Variants in COPG2 observed in about 807,000 individuals in gnomAD.
COPG2 encodes coat protein complex I subunit gamma 2, also known as coatomer subunit gamma-2.
COPG2 carries 37 observed loss-of-function variants against 46.3 expected under a neutral mutation model. That is an observed-to-expected ratio of 0.80 (90% confidence interval 0.61 to 1.05). The LOEUF is 1.05. Ranked by LOEUF, COPG2 falls within the 50% of genes least tolerant of loss-of-function variation. The pLI is 0.00. For synonymous variants in COPG2, 159 were observed against 129.7 expected (o/e 1.23, Z -1.53); for missense variants, 427 against 387.8 (o/e 1.10, Z -0.85).
At chr7:130,571,978 GAAGTAACTCAGGA>G (rs1286467764) in intron 9 of COPG2, among the ~76,000 whole-genome samples, 25 of 152,042 alleles carry the variant, frequency 1.6e-4, no homozygotes, top group African/African-American at 5.8e-4. Flanking sequence ...TATTCTAAGT[GAAGTAACTCAGGA>G]AAGGAAACCC....
intron 9 of COPG2, among the ~76,000 whole-genome samples, chr7:130,599,854 A>T (rs1236982057): frequency 6.6e-6 from 1 of 152,182 alleles, no homozygotes; most frequent in African/African-American, 2.4e-5. Flanking sequence ...TTCCTAATAC[A>T]TGTGGTCATT....
intron 9 of COPG2, chr7:130,610,446 G>T (rs560274844): frequency 8.9e-6 from 4 of 449,998 alleles, no homozygotes; most frequent in South Asian, 6.7e-5. Context: ...GCTGGGGAAG[G>T]GGTCTTCTTT....
chr7:130,666,949 A>C lies in COPG2; in HGVS notation c.91-20T>G. On this transcript the variant is annotated intron_variant, in intron 2 of 23. Coordinates refer to ENST00000425248, the MANE Select transcript of COPG2 (RefSeq NM_012133.6). ...ACGAGCCTATGAAAAAACATAAAAAACATTGCTACTTTTCTACCTTTTCTA... is the reference window on the plus strand; with the variant it reads ...ACGAGCCTATGAAAAAACATAAAAACCATTGCTACTTTTCTACCTTTTCTA... 1 of 1,344,546 alleles carries C rather than the reference A, an allele frequency of 7.4e-7. No homozygotes were observed. The highest frequency in any genetic ancestry group is 1.0e-6 in the Non-Finnish European group (1 of 963,740). 83.3% of individuals were successfully genotyped at this position (1,344,546 alleles called of 1,614,324 possible). A position where few individuals can be genotyped will look rare whatever the true frequency, so the allele number is the denominator to read the frequency against.
At chr7:130,567,081 A>T (rs1793816159) in intron 9 of COPG2, among the ~76,000 whole-genome samples, 1 of 152,230 alleles carries the variant, frequency 6.6e-6, no homozygotes, top group Non-Finnish European at 1.5e-5. Context: ...GAATGAGATT[A>T]TGTCCATTGC....
chr7:130,536,268 A>T (rs1799878228), intron 20 of COPG2, among the ~76,000 whole-genome samples: 1 of 152,070 alleles, frequency 6.6e-6, no homozygotes, highest in Non-Finnish European at 1.5e-5. Flanking sequence ...TCTTATGAGT[A>T]GGAAGTGTAC....
chr7:130,601,421 C>T (rs1794629321), intron 9 of COPG2, among the ~76,000 whole-genome samples: 2 of 152,178 alleles, frequency 1.3e-5, no homozygotes, highest in Non-Finnish European at 2.9e-5. Context: ...CCCAAATGCC[C>T]ATCAATGATA....
chr7:130,607,164 G>A (rs1391200789), intron 9 of COPG2, among the ~76,000 whole-genome samples: 1 of 151,748 alleles, frequency 6.6e-6, no homozygotes, highest in African/African-American at 2.4e-5. Flanking sequence ...TTGCTTGAAC[G>A]TGGAAGGCAG....
At chr7:130,585,246 G>A (rs1303217376) in intron 9 of COPG2, among the ~76,000 whole-genome samples, 4 of 152,004 alleles carry the variant, frequency 2.6e-5, no homozygotes, top group Non-Finnish European at 4.4e-5. Context: ...AATGTTGCTG[G>A]GATAACTGGC....
intron 5 of COPG2, among the ~76,000 whole-genome samples, chr7:130,647,011 G>GCA (rs1554458376): frequency 0.011 from 107 of 9,744 alleles, 3 homozygotes; most frequent in African/African-American, 0.036. Flanking sequence ...ATATATATAT[G>GCA]TATATATATA....
intron 20 of COPG2, among the ~76,000 whole-genome samples, chr7:130,542,244 G>A (rs1793341743): frequency 6.7e-6 from 1 of 149,736 alleles, no homozygotes; most frequent in South Asian, 2.1e-4. Flanking sequence ...AAAGCATGGT[G>A]TGGGTAAGAC....
At chr7:130,540,526 G>A (rs1257716712) in intron 20 of COPG2, among the ~76,000 whole-genome samples, 5 of 151,994 alleles carry the variant, frequency 3.3e-5, no homozygotes, top group African/African-American at 1.2e-4. Flanking sequence ...GTATCGGGTG[G>A]GGAGGCATTA....
chr7:130,523,389 C>G (rs997861305), intron 20 of COPG2, among the ~76,000 whole-genome samples: 2 of 152,096 alleles, frequency 1.3e-5, no homozygotes, highest in Non-Finnish European at 2.9e-5. Context: ...AAGAAGAAAC[C>G]GAGCCCAAAA....
intron 3 of COPG2, among the ~76,000 whole-genome samples, chr7:130,666,097 G>A (rs1269557271): frequency 2.0e-5 from 3 of 152,060 alleles, no homozygotes; most frequent in Non-Finnish European, 2.9e-5. Flanking sequence ...CTCTGTAACA[G>A]GTATTATCAT....
chr7:130,649,896 T>A (rs1375999500), intron 5 of COPG2, among the ~76,000 whole-genome samples: 1 of 152,218 alleles, frequency 6.6e-6, no homozygotes, highest in African/African-American at 2.4e-5. Context: ...TGTAACAAAG[T>A]ACCACAAACT....
intron 20 of COPG2, among the ~76,000 whole-genome samples, chr7:130,523,430 G>C (rs1799743991): frequency 6.6e-6 from 1 of 152,206 alleles, no homozygotes; most frequent in Non-Finnish European, 1.5e-5. Context: ...TTGGGGTCCT[G>C]CATCCTCGGG....
rs943976371 is a variant in COPG2, at chr7:130,526,087, C to A, written c.2150-17428G>T. 4.5e-3 allele frequency among the ~76,000 whole-genome samples: 689 copies of A among 151,836 alleles called. 4 individuals carry two copies. Among genetic ancestry groups the A allele is most frequent in the African/African-American group, 0.016 (666 of 41,392 alleles). On this transcript the variant is annotated intron_variant, in intron 20 of 23. Transcript: ENST00000425248. The stretch of plus-strand genomic sequence containing the variant: ...GGAAAGGAGGAAGAGAAGGAAGTGG[C>A]GGGACTGGCTGTGGAGTTTTGTGGG...
At chr7:130,617,988 C>G (rs1423127973) in intron 5 of COPG2, among the ~76,000 whole-genome samples, 2 of 144,458 alleles carry the variant, frequency 1.4e-5, no homozygotes, top group Non-Finnish European at 3.0e-5. Context: ...GTAGTCTCAG[C>G]TACTTGGGAG....
intron 20 of COPG2, among the ~76,000 whole-genome samples, chr7:130,523,482 G>T (rs1483599500): frequency 1.3e-5 from 2 of 152,238 alleles, no homozygotes; most frequent in African/African-American, 2.4e-5. Flanking sequence ...GAGCCGGGCA[G>T]ATACGTGGAG....
chr7:130,620,177 CTA>C (rs1387543173), intron 5 of COPG2, among the ~76,000 whole-genome samples: 1 of 152,146 alleles, frequency 6.6e-6, no homozygotes, highest in Non-Finnish European at 1.5e-5. Flanking sequence ...CCTCTCATCT[CTA>C]TTAAATTGCT....
Sources: allele counts gnomAD v4.1 joint callset (sites outside exome capture counted in the v4.1 genomes callset), GRCh38; gene constraint gnomAD v4.1.1; transcripts MANE v1.5; gene names NCBI Gene and HGNC (gene_info 2026-07-23, HGNC 2026-07-21).